ERBB4: variants seen among roughly 807,000 people sequenced by gnomAD.
ERBB4 encodes erb-b2 receptor tyrosine kinase 4.
ERBB4 carries 42 observed loss-of-function variants against 158.0 expected under a neutral mutation model. The ratio of observed to expected loss-of-function variants is 0.27; its 90% confidence interval spans 0.21 to 0.34. The LOEUF (loss-of-function observed/expected upper bound fraction) is 0.34. Among genes scored for constraint, ERBB4 ranks in the 10% least tolerant of loss-of-function variants. The probability of loss-of-function intolerance (pLI) is 1.00; values close to 1 mark genes in which losing one functional copy is unlikely to be tolerated. For missense variants in ERBB4, 1,333 were observed against 1,624.1 expected (o/e 0.82, Z 3.08); for synonymous variants, 583 against 558.7 (o/e 1.04, Z -0.61).
intron 1 of ERBB4, among the ~76,000 whole-genome samples, chr2:212,200,810 T>C (rs1218183259): frequency 6.6e-6 from 1 of 152,164 alleles, no homozygotes; most frequent in Non-Finnish European, 1.5e-5. Flanking sequence ...CTTAAGACAA[T>C]TGGGGAAGGT....
intron 1 of ERBB4, among the ~76,000 whole-genome samples, chr2:212,389,099 A>G (rs111762084): frequency 0.011 from 1,611 of 152,212 alleles, 31 homozygotes; most frequent in African/African-American, 0.036. Context: ...CAAAATCTCA[A>G]AATTTCAGGT....
At position 212,126,212 on chromosome 2, in the gene ERBB4, G is replaced by A. The variant is rs988165066; in HGVS notation, c.83-1309C>T. On this transcript the variant is annotated intron_variant, in intron 1 of 27. Transcript: ENST00000342788. Reference sequence around the variant, plus strand: ...GGCATGGTGGCTCACACCTGTTATCGCAGCACTTTGGGAGGCCGACGCAGT... The same window carrying A: ...GGCATGGTGGCTCACACCTGTTATCACAGCACTTTGGGAGGCCGACGCAGT... 4.6e-5 allele frequency among the ~76,000 whole-genome samples: 7 copies of A among 151,666 alleles called. No homozygotes were observed. The East Asian group carries it at 7.7e-4, about 17-fold the overall frequency.
intron 1 of ERBB4, among the ~76,000 whole-genome samples, chr2:212,373,402 T>C (rs2090153183): frequency 6.6e-6 from 1 of 152,012 alleles, no homozygotes; most frequent in African/African-American, 2.4e-5. Flanking sequence ...TTAGGAGCCA[T>C]TTTTGCAGTC....
intron 1 of ERBB4, among the ~76,000 whole-genome samples, chr2:212,198,803 C>T (rs2082507564): frequency 7.3e-6 from 1 of 137,140 alleles, no homozygotes; most frequent in African/African-American, 2.8e-5. Context: ...AGGCTGGTCT[C>T]AAACTCCTGA....
At chr2:211,422,171 G>A in intron 23 of ERBB4, 67 bp from the exon 24 acceptor site, 5 of 1,025,694 alleles carry the variant, frequency 4.9e-6, no homozygotes, top group Non-Finnish European at 7.6e-6. Flanking sequence ...TTTAAATTTT[G>A]TGAAAATATG....
Position 211,992,567 on chromosome 2 carries a change from G to GGAAA in ERBB4, c.235-44952_235-44951insTTTC, listed in dbSNP as rs1553528769. On this transcript the variant is annotated intron_variant, in intron 2 of 27. Coordinates refer to ENST00000342788, the MANE Select transcript of ERBB4 (RefSeq NM_005235.3). Reference sequence around the variant, plus strand: ...AGTGAGAGAGAGAGAGAGAGAGAGAGAAAAAAAAAAAAAACATGAGTTTGT... The same window carrying GGAAA: ...AGTGAGAGAGAGAGAGAGAGAGAGAGGAAAAAAAAAAAAAAAAACATGAGTTTGT... Among the ~76,000 whole-genome samples the GGAAA allele has an allele frequency of 2.0e-4, 25 of 125,242 alleles. 1 individual carries two copies. The highest frequency in any genetic ancestry group is 4.3e-3 in the Middle Eastern group (1 of 232). 82.2% of individuals were successfully genotyped at this position (125,242 alleles called of 152,430 possible).
At chr2:211,929,723 T>C (rs1319331782) in intron 3 of ERBB4, among the ~76,000 whole-genome samples, 1 of 152,188 alleles carries the variant, frequency 6.6e-6, no homozygotes, top group East Asian at 1.9e-4. Flanking sequence ...ACAATTTGAG[T>C]GTGTTTCTCT....
intron 3 of ERBB4, among the ~76,000 whole-genome samples, chr2:211,907,503 T>G (rs979707504): frequency 6.6e-6 from 1 of 151,120 alleles, no homozygotes; most frequent in Non-Finnish European, 1.5e-5. Flanking sequence ...AAACCCAGAG[T>G]TGAAAGTGAT....
chr2:212,053,817 C>T (rs2077473562), intron 2 of ERBB4, among the ~76,000 whole-genome samples: 1 of 152,176 alleles, frequency 6.6e-6, no homozygotes, highest in South Asian at 2.1e-4. Flanking sequence ...ATTCAGGTTT[C>T]TATTATCAAT....
intron 1 of ERBB4, among the ~76,000 whole-genome samples, chr2:212,315,532 T>C (rs1198519253): frequency 2.0e-5 from 3 of 151,528 alleles, no homozygotes; most frequent in African/African-American, 7.3e-5. Flanking sequence ...GATTCTATGC[T>C]GGCAAAATAG....
At chr2:212,034,854 T>C (rs1039424258) in intron 2 of ERBB4, among the ~76,000 whole-genome samples, 4 of 152,154 alleles carry the variant, frequency 2.6e-5, no homozygotes, top group Admixed American at 2.6e-4. Flanking sequence ...GGTGCAAAAA[T>C]GCTAAGCCAA....
chr2:212,313,873 T>C (rs2087154289), intron 1 of ERBB4, among the ~76,000 whole-genome samples: 1 of 151,116 alleles, frequency 6.6e-6, no homozygotes, highest in Admixed American at 6.6e-5. Flanking sequence ...ATCATCAAGG[T>C]GTTAAATGGG....
chr2:211,397,392 A>C (rs2125343686), intron 25 of ERBB4, among the ~76,000 whole-genome samples: 1 of 152,314 alleles, frequency 6.6e-6, no homozygotes, highest in South Asian at 2.1e-4. Flanking sequence ...ATTTTCTTTT[A>C]ATTTCTAAAA....
At chr2:212,478,485 C>T (rs557356014) in intron 1 of ERBB4, among the ~76,000 whole-genome samples, 10 of 149,290 alleles carry the variant, frequency 6.7e-5, no homozygotes, top group South Asian at 4.2e-4. Context: ...TATAAGTGAG[C>T]GAGAGTATTC....
rs371078642 is a variant in ERBB4 at position 212,068,508 on chromosome 2, C to T, written c.234+56244G>A. Among the ~76,000 whole-genome samples the T allele has an allele frequency of 2.6e-3, 388 of 152,092 alleles. 1 individual carries two copies. Among genetic ancestry groups the T allele is most frequent in the African/African-American group, 8.9e-3 (371 of 41,514 alleles). On this transcript the variant is annotated intron_variant, in intron 2 of 27. Coordinates refer to ENST00000342788, the MANE Select transcript of ERBB4 (RefSeq NM_005235.3). ...GATAACAGCCAATTTCCCAAACAGG[C>T]CAGTTTAAATCTTCAGTTGGCATAA...
chr2:211,526,375 C>G (rs2066349121), intron 20 of ERBB4, among the ~76,000 whole-genome samples: 1 of 152,160 alleles, frequency 6.6e-6, no homozygotes, highest in Non-Finnish European at 1.5e-5. Context: ...TTGTCCACAA[C>G]CACCAAGGCA....
At chr2:211,949,187 G>T (rs2196804) in intron 2 of ERBB4, among the ~76,000 whole-genome samples, 1 of 152,072 alleles carries the variant, frequency 6.6e-6, no homozygotes, top group African/African-American at 2.4e-5. Flanking sequence ...TATTGCAATA[G>T]GTCTCCTTGA....
At chr2:212,510,131 T>C (rs1001919203) in intron 1 of ERBB4, among the ~76,000 whole-genome samples, 1 of 148,074 alleles carries the variant, frequency 6.8e-6, no homozygotes, top group African/African-American at 2.5e-5. Flanking sequence ...AAAGGTAAGA[T>C]GTGTGTGTAT....
At chr2:211,544,403 T>C (rs72941338) in intron 20 of ERBB4, among the ~76,000 whole-genome samples, 3,269 of 152,154 alleles carry the variant, frequency 0.021, 74 homozygotes, top group Middle Eastern at 0.054. Context: ...AATCTGAGTT[T>C]GCTGCCTTGC....
Sources: allele counts gnomAD v4.1 joint callset (sites outside exome capture counted in the v4.1 genomes callset), GRCh38; gene constraint gnomAD v4.1.1; transcripts MANE v1.5; gene names NCBI Gene and HGNC (gene_info 2026-07-23, HGNC 2026-07-21).